FAM53A: variants seen among roughly 807,000 people sequenced by gnomAD.
FAM53A encodes protein FAM53A.
A neutral mutation model predicts 26.6 loss-of-function variants in FAM53A; 28 were observed. That is an observed-to-expected ratio of 1.05 (90% CI 0.78 to 1.45). FAM53A has a LOEUF of 1.45. Among genes scored for constraint, FAM53A ranks in the 40% most tolerant of loss-of-function variants. The pLI is 0.00. For missense variants in FAM53A, 650 were observed against 575.8 expected (o/e 1.13, Z -1.32); for synonymous variants, 290 against 253.1 (o/e 1.15, Z -1.38).
At chr4:1,633,086 A>C (rs922890205) in intron 1 of FAM53A, among the ~76,000 whole-genome samples, 3 of 152,194 alleles carry the variant, frequency 2.0e-5, no homozygotes, top group African/African-American at 7.2e-5. Flanking sequence ...GCTCATGTGC[A>C]CACACATAGC....
At chr4:1,647,691 G>A (rs1013056388) in intron 4 of FAM53A, among the ~76,000 whole-genome samples, 22 of 152,376 alleles carry the variant, frequency 1.4e-4, no homozygotes, top group African/African-American at 4.6e-4. Flanking sequence ...GGATGTGAGC[G>A]AGCGTGAGCA....
the FAM53A span, among the ~76,000 whole-genome samples, chr4:1,605,629 G>A: frequency 1.2e-5 from 1 of 84,978 alleles, no homozygotes; most frequent in Non-Finnish European, 2.9e-5. The surrounding 1 kb of genome is among the most constrained non-coding windows in gnomAD (Gnocchi z 5.7). Context: ...CGGCTCCTCG[G>A]GGTGCCTCCT....
At chr4:1,577,622 G>A in the FAM53A span, among the ~76,000 whole-genome samples, 1 of 152,186 alleles carries the variant, frequency 6.6e-6, no homozygotes, top group Admixed American at 6.5e-5. Flanking sequence ...CCGGCTGCCT[G>A]TTGTGCGCCA....
chr4:1,623,653 C>T (rs1022344832), intron 1 of FAM53A, among the ~76,000 whole-genome samples: 2 of 152,246 alleles, frequency 1.3e-5, no homozygotes, highest in Admixed American at 1.3e-4. Context: ...AACACGGCGG[C>T]AGCTCATCTG....
At chr4:1,622,175 G>A (rs1046449195) in intron 1 of FAM53A, among the ~76,000 whole-genome samples, 1 of 152,138 alleles carries the variant, frequency 6.6e-6, no homozygotes, top group Non-Finnish European at 1.5e-5. Context: ...ACCCAGACAC[G>A]GTGCCGTTAC....
the FAM53A span, among the ~76,000 whole-genome samples, chr4:1,597,787 G>C: frequency 6.6e-6 from 1 of 152,254 alleles, no homozygotes; most frequent in East Asian, 1.9e-4. Flanking sequence ...CATGAGGTCA[G>C]GAGTTCGAGA....
chr4:1,623,445 C>A (rs1240671358), intron 1 of FAM53A, among the ~76,000 whole-genome samples: 3 of 151,984 alleles, frequency 2.0e-5, no homozygotes, highest in Non-Finnish European at 2.9e-5. Context: ...TCTCAGGCCA[C>A]CAGGCCCCCG....
the FAM53A span, among the ~76,000 whole-genome samples, chr4:1,600,435 C>T: frequency 1.2e-4 from 19 of 152,146 alleles, no homozygotes; most frequent in African/African-American, 4.6e-4. Context: ...ACCCTCAGCC[C>T]CTCCCCTACT....
chr4:1,660,953 T>C (rs1235675944), intron 2 of FAM53A, among the ~76,000 whole-genome samples: 2 of 151,076 alleles, frequency 1.3e-5, no homozygotes, highest in African/African-American at 4.9e-5. Context: ...TCTGCACAGC[T>C]GCACAGGGCT....
the FAM53A span, among the ~76,000 whole-genome samples, chr4:1,607,818 T>C: frequency 6.6e-6 from 1 of 152,022 alleles, no homozygotes; most frequent in Non-Finnish European, 1.5e-5. Context: ...CGTGTGCCTG[T>C]AATCCCAGCT....
intron 1 of FAM53A, chr4:1,683,399 C>A (rs567667016): frequency 6.6e-6 from 1 of 152,270 alleles, no homozygotes; most frequent in Admixed American, 6.5e-5. Context: ...GAAGCACATT[C>A]TTTTCCTTTT....
At chr4:1,665,339 A>T (rs904441130) in intron 2 of FAM53A, among the ~76,000 whole-genome samples, 3 of 151,974 alleles carry the variant, frequency 2.0e-5, no homozygotes, top group African/African-American at 7.2e-5. Context: ...AAATTAAAAA[A>T]TAGGTTGGGC....
At chr4:1,604,731 C>G in the FAM53A span, among the ~76,000 whole-genome samples, 1 of 152,166 alleles carries the variant, frequency 6.6e-6, no homozygotes, top group Non-Finnish European at 1.5e-5. Flanking sequence ...CACGCCCTCC[C>G]GCCTCCTCCT....
chr4:1,683,429 GT>G (rs1236595070), intron 1 of FAM53A: 1 of 152,186 alleles, frequency 6.6e-6, no homozygotes, highest in Non-Finnish European at 1.5e-5. Context: ...TTTAAGACTA[GT>G]CAAGTGCAGT....
At position 1,655,075 on chromosome 4, in the gene FAM53A, G is replaced by C; in HGVS notation, c.785C>G (p.Pro262Arg). The change falls in exon 4 of 5, where the codon CCT (proline) becomes CGT (arginine). Residue 262 changes from proline (P) to arginine (R), a missense_variant. Transcript: ENST00000308132. ...RRGLLRCRSQ[P>R]CVLSGKRSRR... is the part of the protein sequence containing the mutation. ...GCTCCTCTTCCCACTGAGCACGCAA[G>C]GCTGTGAGCGGCACCGGAGCAGCCC... 2 of 1,600,816 alleles carry C rather than the reference G, an allele frequency of 1.2e-6. No individual in the cohort carries two copies. The highest frequency in any genetic ancestry group is 1.7e-6 in the Non-Finnish European group (2 of 1,173,604).
chr4:1,607,880 C>T, the FAM53A span, among the ~76,000 whole-genome samples: 1 of 151,056 alleles, frequency 6.6e-6, no homozygotes, highest in Admixed American at 6.6e-5. Flanking sequence ...GCAGAGGTTG[C>T]AGTGAGCCGA....
chr4:1,636,307 C>A (rs1035149107), downstream of FAM53A, among the ~76,000 whole-genome samples: 71 of 152,334 alleles, frequency 4.7e-4, 1 homozygote, highest in African/African-American at 1.6e-3. Context: ...CCAGCACCAT[C>A]AAACCTCATG....
At chr4:1,649,535 G>A (rs1712562165) in intron 4 of FAM53A, among the ~76,000 whole-genome samples, 1 of 152,270 alleles carries the variant, frequency 6.6e-6, no homozygotes, top group Admixed American at 6.5e-5. Context: ...AGCTGGTGAG[G>A]ACCAGGTCAC....
At chr4:1,616,398 G>A (rs757984129), downstream of FAM53A, among the ~76,000 whole-genome samples, 22 of 147,448 alleles carry the variant, frequency 1.5e-4, no homozygotes, top group African/African-American at 5.9e-4. Context: ...GCAAGTTGGC[G>A]CCCAGCAGGC....
Sources: allele counts gnomAD v4.1 joint callset (sites outside exome capture counted in the v4.1 genomes callset), GRCh38; gene constraint gnomAD v4.1.1; non-coding constraint Gnocchi (gnomAD v3.1); transcripts MANE v1.5; gene names NCBI Gene and HGNC (gene_info 2026-07-23, HGNC 2026-07-21).